The following ACADL variants were observed in gnomAD, a reference collection of about 807,000 sequenced individuals.
ACADL encodes acyl-CoA dehydrogenase long chain.
A neutral mutation model predicts 56.9 loss-of-function variants in ACADL; 60 were observed. The ratio of observed to expected loss-of-function variants is 1.05; its 90% CI spans 0.86 to 1.31. The LOEUF is 1.31. ACADL is among the 50% of genes most tolerant of loss of function. The pLI, the probability that ACADL is intolerant of heterozygous loss-of-function variation, is 0.00. For missense variants in ACADL, 484 were observed against 525.5 expected (o/e 0.92, Z 0.77); for synonymous variants, 158 against 179.7 (o/e 0.88, Z 0.97).
intron 1 of ACADL, 111 bp downstream of exon 1, chr2:210,225,076 A>G: frequency 1.3e-6 from 2 of 1,509,120 alleles, no homozygotes; most frequent in Non-Finnish European, 1.8e-6. Flanking sequence ...GTTGGGGAGC[A>G]CTCCCAGCCG....
intron 4 of ACADL, among the ~76,000 whole-genome samples, chr2:210,212,650 T>C (rs1189572745): frequency 6.6e-6 from 1 of 152,232 alleles, no homozygotes; most frequent in African/African-American, 2.4e-5. Context: ...CTTAGAGCCA[T>C]TTACTTTGAA....
intron 8 of ACADL, among the ~76,000 whole-genome samples, chr2:210,201,090 T>G (rs1688784427): frequency 6.6e-6 from 1 of 152,194 alleles, no homozygotes; most frequent in South Asian, 2.1e-4. Flanking sequence ...AATGCCCACC[T>G]GTGCACTGGG....
Position 210,205,610 on chromosome 2 carries a change from TATG to T in ACADL, c.768+19_768+21del. ...ACAGTAAACTCAATTAGTATCTGAA[TATG>T]ATTTACATTATCACTCACCTGGGCT... On this transcript the variant is annotated intron_variant, in intron 6 of 10. Transcript: ENST00000233710. 6.2e-7 allele frequency: 1 copy of T among 1,611,332 alleles called. No homozygotes were observed.
At chr2:210,191,524 C>A (rs1325683848) in intron 10 of ACADL, among the ~76,000 whole-genome samples, 1 of 152,102 alleles carries the variant, frequency 6.6e-6, no homozygotes, top group Non-Finnish European at 1.5e-5. Context: ...GTGAACTAAA[C>A]CACACAAACA....
chr2:210,222,528 AAAG>A (rs1356651479), intron 1 of ACADL, among the ~76,000 whole-genome samples: 1 of 151,678 alleles, frequency 6.6e-6, no homozygotes, highest in Non-Finnish European at 1.5e-5. Context: ...AAAAAAAGGA[AAAG>A]AAAAAAAAGT....
At chr2:210,214,513 G>GAAAGAAAGAAAGAAAGAAAGAAAGAA (rs1553691052) in intron 4 of ACADL, among the ~76,000 whole-genome samples, 9 of 147,940 alleles carry the variant, frequency 6.1e-5, no homozygotes, top group South Asian at 2.2e-4. Context: ...GAAAGAAAAA[G>GAAAGAAAGAAAGAAAGAAAGAAAGAA]AAAGAAAGAA....
At chr2:210,200,599 T>C (rs969932216) in intron 8 of ACADL, among the ~76,000 whole-genome samples, 1 of 152,228 alleles carries the variant, frequency 6.6e-6, no homozygotes, top group African/African-American at 2.4e-5. Flanking sequence ...AGTCAAGTCA[T>C]ACTGTTTTGT....
chr2:210,220,642 C>A lies in ACADL; in HGVS notation c.233+5G>T, dbSNP rs766471873. Reference sequence around the variant, plus strand: ...CATTACATTAGAGGAAAATGTGCCACTTACTCTGAGTGATGAGGAATCACT... The same window carrying A: ...CATTACATTAGAGGAAAATGTGCCAATTACTCTGAGTGATGAGGAATCACT... On this transcript the variant is annotated splice_donor_5th_base_variant and intron_variant, in intron 2 of 10. Coordinates refer to ENST00000233710, the MANE Select transcript of ACADL (RefSeq NM_001608.4). 9.3e-6 allele frequency: 15 copies of A among 1,612,510 alleles called. 1 individual carries two copies. In the South Asian group the frequency reaches 1.5e-4, roughly 17 times the overall value.
intron 10 of ACADL, among the ~76,000 whole-genome samples, chr2:210,190,925 T>TG (rs1559631813): frequency 1.3e-5 from 2 of 149,726 alleles, no homozygotes; most frequent in South Asian, 4.2e-4. Flanking sequence ...TGTTGTTTGT[T>TG]TTTTTTTTTT....
intron 8 of ACADL, among the ~76,000 whole-genome samples, chr2:210,201,130 A>C (rs144810266): frequency 6.6e-6 from 1 of 152,138 alleles, no homozygotes; most frequent in Non-Finnish European, 1.5e-5. Context: ...GGAAGTTCAC[A>C]CTGTTTGCAG....
At chr2:210,224,887 G>A (rs1689242444) in intron 1 of ACADL, 4 of 1,204,898 alleles carry the variant, frequency 3.3e-6, no homozygotes, top group Non-Finnish European at 4.1e-6. Flanking sequence ...TGAACTAGAC[G>A]GGTTGGATTG....
chr2:210,223,715 T>A (rs1689214920), intron 1 of ACADL, among the ~76,000 whole-genome samples: 1 of 152,052 alleles, frequency 6.6e-6, no homozygotes, highest in Non-Finnish European at 1.5e-5. Context: ...ATTAAGGGAG[T>A]TGTAAAAATG....
chr2:210,205,859 A>G (rs1370249340), intron 5 of ACADL, 63 bp from the exon 6 acceptor site: 2 of 1,591,968 alleles, frequency 1.3e-6, no homozygotes, highest in African/African-American at 2.7e-5. Context: ...GCAAGTTATG[A>G]TTGGGAGAAA....
chr2:210,208,189 A>C (rs1368904119), intron 5 of ACADL, among the ~76,000 whole-genome samples: 1 of 152,214 alleles, frequency 6.6e-6, no homozygotes, highest in South Asian at 2.1e-4. Flanking sequence ...GGTCTCATAC[A>C]TGTTTTAACT....
rs1575681359 is a variant in ACADL, at chr2:210,218,079, C to T, written c.257G>A (p.Ser86Asn). ...HSEWEKAGEV[S>N]REVWEKAGKQ... Reference sequence around the variant, plus strand: ...TCCAGCTTTTTCCCAAACCTCCCTACTTACTTCTCCAGCTTTCTCCCATCT... The same window carrying T: ...TCCAGCTTTTTCCCAAACCTCCCTATTTACTTCTCCAGCTTTCTCCCATCT... The change falls in exon 3 of 11, where the codon AGT becomes AAT. Residue 86 changes from serine (S) to asparagine (N), a missense_variant. Ser to Asn is a conservative substitution (Grantham distance 46, BLOSUM62 1). Coordinates refer to ENST00000233710, the MANE Select transcript of ACADL (RefSeq NM_001608.4). 3.7e-6 allele frequency: 6 copies of T among 1,613,786 alleles called. No homozygotes were observed. The East Asian group carries it at 1.3e-4, about 36-fold the overall frequency.
chr2:210,201,321 G>A (rs1254526578), intron 8 of ACADL, among the ~76,000 whole-genome samples: 8 of 152,080 alleles, frequency 5.3e-5, no homozygotes, highest in African/African-American at 1.4e-4. Flanking sequence ...TCCTGGTCCT[G>A]TGACAAGAAC....
At chr2:210,224,163 A>G (rs1006391929) in intron 1 of ACADL, among the ~76,000 whole-genome samples, 6 of 145,226 alleles carry the variant, frequency 4.1e-5, no homozygotes, top group Non-Finnish European at 7.5e-5. Flanking sequence ...CGGAGGTTGC[A>G]GCAGTGAGCC....
At chr2:210,221,273 T>C (rs531517675) in intron 1 of ACADL, among the ~76,000 whole-genome samples, 6 of 152,288 alleles carry the variant, frequency 3.9e-5, no homozygotes, top group Admixed American at 3.3e-4. Flanking sequence ...ATGCAAACCA[T>C]GTTGATGTAA....
intron 5 of ACADL, among the ~76,000 whole-genome samples, chr2:210,206,145 A>G (rs1381044964): frequency 6.6e-6 from 1 of 152,038 alleles, no homozygotes. Context: ...ACTGATAAGA[A>G]AAGAAAATCT....
Sources: gnomAD v4.1 joint callset for allele counts (sites outside exome capture counted in the v4.1 genomes callset) on GRCh38, gnomAD v4.1.1 for gene constraint, MANE v1.5 for transcripts, NCBI Gene and HGNC (gene_info 2026-07-23, HGNC 2026-07-21) for gene names.